The following CADM2 variants were observed in gnomAD, a reference collection of about 807,000 sequenced individuals.
CADM2 encodes the protein cell adhesion molecule 2.
CADM2 carries 12 observed loss-of-function variants against 49.8 expected under a neutral mutation model. The ratio of observed to expected loss-of-function variants is 0.24; its 90% CI spans 0.15 to 0.39. The LOEUF (loss-of-function observed/expected upper bound fraction) is 0.39. Among genes scored for constraint, CADM2 ranks in the 10% least tolerant of loss-of-function variants. The probability of loss-of-function intolerance (pLI) is 1.00; values close to 1 mark genes in which losing one functional copy is unlikely to be tolerated. For missense variants in CADM2, 378 were observed against 492.3 expected (o/e 0.77, Z 2.20); for synonymous variants, 214 against 175.4 (o/e 1.22, Z -1.74).
At chr3:85,528,372 C>T (rs954683745) in intron 1 of CADM2, among the ~76,000 whole-genome samples, 6 of 152,178 alleles carry the variant, frequency 3.9e-5, no homozygotes, top group African/African-American at 1.4e-4. Context: ...ACTGTTTTCT[C>T]TTTATAGTTT....
chr3:85,754,098 G>T (rs370909938), intron 2 of CADM2, among the ~76,000 whole-genome samples: 3 of 152,274 alleles, frequency 2.0e-5, no homozygotes, highest in African/African-American at 7.2e-5. Flanking sequence ...AGATGTATGC[G>T]TGCTCACTTG....
intron 1 of CADM2, among the ~76,000 whole-genome samples, chr3:85,428,215 G>A (rs949283566): frequency 1.3e-4 from 20 of 150,078 alleles, no homozygotes; most frequent in Middle Eastern, 3.6e-3. Context: ...AAAAAAAAAG[G>A]CACAGAGTAA....
chr3:85,927,316 T>A (rs1005888872), intron 6 of CADM2, among the ~76,000 whole-genome samples: 1 of 152,150 alleles, frequency 6.6e-6, no homozygotes, highest in Non-Finnish European at 1.5e-5. Context: ...GTGTACAAGA[T>A]AAAAGATGAT....
intron 1 of CADM2, among the ~76,000 whole-genome samples, chr3:85,623,194 G>A (rs60667710): frequency 0.011 from 1,702 of 152,166 alleles, 35 homozygotes; most frequent in African/African-American, 0.038. Flanking sequence ...CAGTGCACAC[G>A]TTAGCTACAT....
At chr3:85,427,294 C>T (rs2036458612) in intron 1 of CADM2, among the ~76,000 whole-genome samples, 1 of 150,280 alleles carries the variant, frequency 6.7e-6, no homozygotes, top group Non-Finnish European at 1.5e-5. Flanking sequence ...AACAATTAGT[C>T]CAATAATTAA....
At chr3:85,016,605 C>T (rs372515539) in intron 1 of CADM2, among the ~76,000 whole-genome samples, 3 of 151,980 alleles carry the variant, frequency 2.0e-5, no homozygotes, top group East Asian at 1.9e-4. Flanking sequence ...CCAGCCTGGC[C>T]AACACAGCGA....
At chr3:85,761,367 C>CATTTTTTTTTTTTTTTTTTTTTTTTTT (rs1435295947) in intron 2 of CADM2, among the ~76,000 whole-genome samples, 1 of 101,090 alleles carries the variant, frequency 9.9e-6, no homozygotes. Flanking sequence ...CAACACAAAA[C>CATTTTTTTTTTTTTTTTTTTTTTTTTT]TTTTTTTTTT....
chr3:85,893,636 A>C (rs1271605834), intron 5 of CADM2, among the ~76,000 whole-genome samples: 2 of 152,210 alleles, frequency 1.3e-5, no homozygotes, highest in East Asian at 3.8e-4. Context: ...CAATGAACTC[A>C]AACAAATTTA....
chr3:85,287,736 AT>A (rs1410833608), intron 1 of CADM2, among the ~76,000 whole-genome samples: 1 of 152,128 alleles, frequency 6.6e-6, no homozygotes, highest in Non-Finnish European at 1.5e-5. Context: ...GAACTATTTA[AT>A]TTTTTTAACC....
intron 1 of CADM2, among the ~76,000 whole-genome samples, chr3:85,235,422 A>C (rs994552285): frequency 1.3e-5 from 2 of 152,144 alleles, no homozygotes; most frequent in African/African-American, 4.8e-5. Context: ...ATTAGTATAA[A>C]CATTCACTTC....
intron 1 of CADM2, among the ~76,000 whole-genome samples, chr3:85,210,695 C>G (rs1232115786): frequency 6.6e-6 from 1 of 152,102 alleles, no homozygotes; most frequent in Non-Finnish European, 1.5e-5. Flanking sequence ...TATATGCCAC[C>G]AAGCCCGGCT....
chr3:85,860,301 A>G (rs978001627), intron 3 of CADM2, among the ~76,000 whole-genome samples: 1 of 152,190 alleles, frequency 6.6e-6, no homozygotes, highest in Admixed American at 6.5e-5. Context: ...ATCCTGTATT[A>G]CATGGAGGCT....
chr3:85,362,300 G>A (rs1001184401), intron 1 of CADM2, among the ~76,000 whole-genome samples: 6 of 152,146 alleles, frequency 3.9e-5, no homozygotes, highest in African/African-American at 1.4e-4. Flanking sequence ...AAAAGAGGAA[G>A]TCTCTTTTCT....
chr3:85,347,609 A>AT (rs1472964416), intron 1 of CADM2, among the ~76,000 whole-genome samples: 76 of 138,232 alleles, frequency 5.5e-4, no homozygotes, highest in African/African-American at 1.9e-3. Flanking sequence ...ATATATATAA[A>AT]AATATATATA....
intron 1 of CADM2, among the ~76,000 whole-genome samples, chr3:85,077,988 C>A (rs114225709): frequency 1.7e-3 from 261 of 152,026 alleles, no homozygotes; most frequent in African/African-American, 5.9e-3. Context: ...TTAAAATAAC[C>A]TTTATAACTT....
At chr3:85,212,852 T>TTCTTTC (rs2041820303) in intron 1 of CADM2, among the ~76,000 whole-genome samples, 2 of 124,252 alleles carry the variant, frequency 1.6e-5, no homozygotes, top group South Asian at 5.2e-4. Flanking sequence ...CTTTCTTTCT[T>TTCTTTC]TCTTTCTTTC....
chr3:85,132,878 A>G (rs1044061750), intron 1 of CADM2, among the ~76,000 whole-genome samples: 6 of 152,200 alleles, frequency 3.9e-5, no homozygotes, highest in Admixed American at 6.5e-5. Flanking sequence ...GCTGACTTCA[A>G]GAATGAAGCC....
chr3:85,510,579 T>A (rs372552851), intron 1 of CADM2, among the ~76,000 whole-genome samples: 1 of 152,044 alleles, frequency 6.6e-6, no homozygotes, highest in Non-Finnish European at 1.5e-5. Flanking sequence ...AATGAAATTT[T>A]GTTTTGTTTG....
In CADM2 at chr3:85,563,321, T is replaced by C. The variant is rs529727677; in HGVS notation, c.62-163201T>C. On this transcript the variant is annotated intron_variant, in intron 1 of 9. Transcript: ENST00000383699. ...AGGGGGAATTTGATAGTAAATCACTTACTTACCTCTTCATACAACCATTTT... is the reference window on the plus strand; with the variant it reads ...AGGGGGAATTTGATAGTAAATCACTCACTTACCTCTTCATACAACCATTTT... Among the ~76,000 whole-genome samples, 4 of 150,876 alleles carry C rather than the reference T, an allele frequency of 2.7e-5. No individual in the cohort carries two copies. The Admixed American group carries it at 2.7e-4, about 10-fold the overall frequency.
Sources: allele counts gnomAD v4.1 joint callset (sites outside exome capture counted in the v4.1 genomes callset), GRCh38; gene constraint gnomAD v4.1.1; transcripts MANE v1.5; gene names NCBI Gene and HGNC (gene_info 2026-07-23, HGNC 2026-07-21).